GRK4: variants seen among roughly 807,000 people sequenced by gnomAD.
GRK4 encodes the protein G protein-coupled receptor kinase 2-like.
Under a neutral mutation model 77.9 loss-of-function variants are expected in GRK4, and 73 were observed. That is an observed-to-expected ratio of 0.94 (90% CI 0.78 to 1.14). The LOEUF is 1.14. Among genes scored for constraint, GRK4 ranks in the 50% most tolerant of loss-of-function variants. The probability of loss-of-function intolerance (pLI) is 0.00; values close to 1 mark genes in which losing one functional copy is unlikely to be tolerated. For missense variants in GRK4, 729 were observed against 700.2 expected (o/e 1.04, Z -0.46); for synonymous variants, 257 against 254.4 (o/e 1.01, Z -0.10).
At chr4:2,980,449 A>C (rs1052177345) in intron 1 of GRK4, among the ~76,000 whole-genome samples, 1 of 151,848 alleles carries the variant, frequency 6.6e-6, no homozygotes, top group Non-Finnish European at 1.5e-5. Context: ...AACCCCACTC[A>C]TGGGCCTGGT....
At chr4:3,021,783 G>C (rs1736158869) in intron 9 of GRK4, among the ~76,000 whole-genome samples, 1 of 152,168 alleles carries the variant, frequency 6.6e-6, no homozygotes, top group South Asian at 2.1e-4. Flanking sequence ...CGCTGTGTTT[G>C]GTTTCAGTCT....
chr4:2,974,077 C>T (rs2960303), intron 1 of GRK4, among the ~76,000 whole-genome samples: 58,351 of 152,000 alleles, frequency 0.38, 11,976 homozygotes, highest in African/African-American at 0.51. Context: ...CTCGGACTCC[C>T]GGGCTCAAGC....
At chr4:2,965,452 C>CT in intron 1 of GRK4, 1 of 703,078 alleles carries the variant, frequency 1.4e-6, no homozygotes, top group South Asian at 1.5e-5. Flanking sequence ...CTGATTTCCT[C>CT]TATTTCCTTG....
intron 1 of GRK4, among the ~76,000 whole-genome samples, chr4:2,979,440 C>T (rs1478411130): frequency 4.0e-5 from 6 of 149,462 alleles, no homozygotes; most frequent in South Asian, 2.1e-4. Flanking sequence ...TGGCCAGGCA[C>T]GGTGGCTCAC....
intron 4 of GRK4, among the ~76,000 whole-genome samples, chr4:3,000,184 A>G (rs1038431329): frequency 6.6e-6 from 1 of 152,198 alleles, no homozygotes; most frequent in Non-Finnish European, 1.5e-5. Flanking sequence ...GTTCTGCATC[A>G]GGCTGGTAGT....
chr4:2,985,554 T>C (rs893102023), intron 2 of GRK4, among the ~76,000 whole-genome samples: 1 of 150,396 alleles, frequency 6.6e-6, no homozygotes, highest in Non-Finnish European at 1.5e-5. Context: ...AAAAAATTAA[T>C]GAGGGAAAGA....
chr4:3,027,946 A>G lies in GRK4; in HGVS notation c.1005A>G (p.Thr335=). The G allele has an allele frequency of 6.2e-7, 1 of 1,614,174 alleles. No homozygotes were observed. Among genetic ancestry groups the G allele is most frequent in the Non-Finnish European group, 8.5e-7 (1 of 1,180,030 alleles). The change falls in exon 11 of 16, where the codon ACA becomes ACG. Residue 335 remains threonine, a synonymous_variant. Transcript: ENST00000398052. ...HIRISDLGLA[T]EIPEGQRVRG... ...GGATTTCAGACCTCGGTTTGGCCACAGAGATCCCAGAAGGACAGAGGGTTC... is the reference window on the plus strand; with the variant it reads ...GGATTTCAGACCTCGGTTTGGCCACGGAGATCCCAGAAGGACAGAGGGTTC...
chr4:3,032,631 G>A (rs1368111409), intron 12 of GRK4, among the ~76,000 whole-genome samples: 17 of 152,150 alleles, frequency 1.1e-4, no homozygotes, highest in Non-Finnish European at 2.5e-4. Flanking sequence ...TAGCTTTGAA[G>A]TTAGGGCCAG....
chr4:3,015,691 AT>A (rs1253795208), intron 8 of GRK4, among the ~76,000 whole-genome samples: 47 of 151,070 alleles, frequency 3.1e-4, no homozygotes, highest in African/African-American at 1.0e-3. Context: ...AAAAAAAAAA[AT>A]AGCACAGTGT....
intron 6 of GRK4, 50 bp downstream of exon 6, chr4:3,007,878 C>A: frequency 8.0e-7 from 1 of 1,254,586 alleles, no homozygotes; most frequent in Non-Finnish European, 1.2e-6. Flanking sequence ...TGGCACATGC[C>A]TGTAGTCCCA....
intron 9 of GRK4, among the ~76,000 whole-genome samples, chr4:3,020,351 A>T (rs1224522406): frequency 6.6e-6 from 1 of 152,016 alleles, no homozygotes; most frequent in African/African-American, 2.4e-5. Flanking sequence ...TTTGTTTTTT[A>T]CTGGTTAAGT....
At chr4:2,998,468 C>T (rs565358524) in intron 4 of GRK4, among the ~76,000 whole-genome samples, 1 of 151,958 alleles carries the variant, frequency 6.6e-6, no homozygotes, top group African/African-American at 2.4e-5. Flanking sequence ...CACATACACA[C>T]ATAAAGAAAA....
chr4:3,024,064 C>G (rs553053320), intron 10 of GRK4, among the ~76,000 whole-genome samples: 60 of 152,216 alleles, frequency 3.9e-4, no homozygotes, highest in African/African-American at 1.2e-3. Flanking sequence ...TTGAGCTGAG[C>G]TGTCTTTCCC....
chr4:3,008,915 A>G (rs541793383), intron 6 of GRK4, among the ~76,000 whole-genome samples: 1 of 152,222 alleles, frequency 6.6e-6, no homozygotes, highest in South Asian at 2.1e-4. Flanking sequence ...GGCGCTGGGT[A>G]TAAACATCTT....
chr4:3,016,731 A>G (rs926311693), intron 8 of GRK4, among the ~76,000 whole-genome samples: 4 of 151,952 alleles, frequency 2.6e-5, no homozygotes, highest in African/African-American at 7.3e-5. Context: ...AAAAAATACA[A>G]AAAAACAAAA....
chr4:2,978,441 G>A (rs1721840551), intron 1 of GRK4, among the ~76,000 whole-genome samples: 1 of 152,212 alleles, frequency 6.6e-6, no homozygotes, highest in South Asian at 2.1e-4. Context: ...GGGATGCACA[G>A]CCATGGCGAG....
intron 13 of GRK4, among the ~76,000 whole-genome samples, chr4:3,037,087 G>A (rs1385184357): frequency 2.0e-5 from 3 of 150,694 alleles, no homozygotes; most frequent in Non-Finnish European, 3.0e-5. Flanking sequence ...GTGTGTATGT[G>A]TGTGTGTGTG....
chr4:2,996,146 G>C (rs1351223643), intron 4 of GRK4, among the ~76,000 whole-genome samples: 1 of 152,148 alleles, frequency 6.6e-6, no homozygotes, highest in Non-Finnish European at 1.5e-5. Flanking sequence ...GGTGGAAGTG[G>C]AAAGAGAGGG....
intron 4 of GRK4, among the ~76,000 whole-genome samples, chr4:2,994,304 G>A (rs1368075638): frequency 1.3e-5 from 2 of 152,146 alleles, no homozygotes; most frequent in Non-Finnish European, 2.9e-5. Flanking sequence ...TCTGCCTCCC[G>A]GGTTCAAGTG....
Sources: gnomAD v4.1 joint callset for allele counts (sites outside exome capture counted in the v4.1 genomes callset) on GRCh38, gnomAD v4.1.1 for gene constraint, MANE v1.5 for transcripts, NCBI Gene and HGNC (gene_info 2026-07-23, HGNC 2026-07-21) for gene names.